OR51B5: variants seen among roughly 807,000 people sequenced by gnomAD.
OR51B5 encodes olfactory receptor 51B5.
For synonymous variants in OR51B5, 186 were observed against 144.8 expected (o/e 1.28, Z -2.04); for missense variants, 456 against 374.6 (o/e 1.22, Z -1.79).
intron 1 of OR51B5, chr11:5,351,404 G>A (rs1052992195): frequency 2.5e-6 from 2 of 796,458 alleles, no homozygotes; most frequent in Admixed American, 5.7e-5. Context: ...GTCAGGACTG[G>A]TGAACATCTT....
At chr11:5,418,262 C>G (rs1340517078) in intron 1 of OR51B5, among the ~76,000 whole-genome samples, 7 of 150,936 alleles carry the variant, frequency 4.6e-5, no homozygotes, top group Non-Finnish European at 7.4e-5. Context: ...TTGTGGGGTG[C>G]GGGGAGGGGG....
At chr11:5,423,634 G>T (rs1440099381) in intron 1 of OR51B5, among the ~76,000 whole-genome samples, 4 of 152,106 alleles carry the variant, frequency 2.6e-5, no homozygotes, top group Non-Finnish European at 5.9e-5. Context: ...ATAACATTTT[G>T]AGGGACAATA....
chr11:5,400,844 CATA>C (rs2133740271), intron 1 of OR51B5, among the ~76,000 whole-genome samples: 1 of 152,286 alleles, frequency 6.6e-6, no homozygotes, highest in Admixed American at 6.5e-5. Context: ...AGAAGAACTT[CATA>C]ATAACCATTA....
chr11:5,363,235 C>A (rs879832179), intron 1 of OR51B5, among the ~76,000 whole-genome samples: 16 of 85,368 alleles, frequency 1.9e-4, no homozygotes, highest in African/African-American at 5.4e-4. Context: ...GAACCCAACC[C>A]CTCACACACA....
chr11:5,388,797 A>C (rs1371662255), intron 1 of OR51B5, among the ~76,000 whole-genome samples: 1 of 152,056 alleles, frequency 6.6e-6, no homozygotes, highest in Non-Finnish European at 1.5e-5. Context: ...GAGTGATCTG[A>C]ATTAGAATAG....
Position 5,390,439 on chromosome 11 carries a change from T to A in OR51B5, n.85-43529A>T, listed in dbSNP as rs533737573. ...AGAAGGCCCCAAATTGGACTGAAAA[T>A]TTGGAGTATTGAGTATATAGCATGC... On this transcript the variant is annotated intron_variant and non_coding_transcript_variant, in intron 1 of 4. Coordinates refer to the OR51B5 transcript ENST00000415970. 1.3e-4 allele frequency: 190 copies of A among 1,416,126 alleles called. No individual in the cohort carries two copies. The African/African-American group carries it at 2.4e-3, about 18-fold the overall frequency. The allele number at this position is 1,416,126 out of a possible 1,614,324, so 87.7% of individuals were successfully genotyped here. A position where few individuals can be genotyped will look rare whatever the true frequency, so the allele number is the denominator to read the frequency against.
At chr11:5,470,754 T>C (rs1359793881) in intron 1 of OR51B5, among the ~76,000 whole-genome samples, 1 of 152,210 alleles carries the variant, frequency 6.6e-6, no homozygotes, top group African/African-American at 2.4e-5. Context: ...ACAAGTCTAT[T>C]AATCCATCGT....
At chr11:5,488,321 C>G (rs138804013) in intron 1 of OR51B5, among the ~76,000 whole-genome samples, 3,189 of 152,160 alleles carry the variant, frequency 0.021, 44 homozygotes, top group South Asian at 0.034. Flanking sequence ...GAATGAGACT[C>G]CCTAGGTAAG....
intron 1 of OR51B5, chr11:5,390,407 G>C (rs974069072): frequency 6.0e-5 from 92 of 1,526,206 alleles, no homozygotes; most frequent in Non-Finnish European, 7.7e-5. Flanking sequence ...CCCCCTAGAG[G>C]CCTATAAGAA....
At chr11:5,473,364 C>T (rs1043008472) in intron 1 of OR51B5, among the ~76,000 whole-genome samples, 1 of 152,124 alleles carries the variant, frequency 6.6e-6, no homozygotes, top group Non-Finnish European at 1.5e-5. Context: ...CACATTCAAC[C>T]TTTCATAATG....
intron 1 of OR51B5, among the ~76,000 whole-genome samples, chr11:5,356,530 G>C (rs1476124634): frequency 1.4e-5 from 2 of 146,050 alleles, no homozygotes; most frequent in South Asian, 4.4e-4. Context: ...GGGCAGAATG[G>C]AACCAAGTTG....
chr11:5,404,178 C>CG (rs1442091896), intron 1 of OR51B5, among the ~76,000 whole-genome samples: 73 of 4,168 alleles, frequency 0.018, 1 homozygote, highest in Non-Finnish European at 0.03. Context: ...GCGGGGAGGG[C>CG]GGGGGGCGGA....
chr11:5,417,570 C>T (rs1229188290), intron 1 of OR51B5, among the ~76,000 whole-genome samples: 1 of 147,336 alleles, frequency 6.8e-6, no homozygotes, highest in Non-Finnish European at 1.5e-5. Flanking sequence ...TGAACTCAAA[C>T]AAATTTACAA....
chr11:5,443,863 G>GCACA (rs533103895), intron 1 of OR51B5, among the ~76,000 whole-genome samples: 5 of 150,676 alleles, frequency 3.3e-5, no homozygotes, highest in African/African-American at 9.8e-5. Context: ...AATATCATGA[G>GCACA]CACACACACA....
intron 1 of OR51B5, among the ~76,000 whole-genome samples, chr11:5,405,860 T>C (rs1302806565): frequency 6.6e-6 from 1 of 152,180 alleles, no homozygotes; most frequent in African/African-American, 2.4e-5. Context: ...CCTAAATTAA[T>C]AGCCCGCTGA....
At chr11:5,384,921 T>C (rs1849663159) in intron 1 of OR51B5, among the ~76,000 whole-genome samples, 1 of 152,190 alleles carries the variant, frequency 6.6e-6, no homozygotes, top group Non-Finnish European at 1.5e-5. Context: ...AAATGAATAA[T>C]CTGGTTCAAG....
intron 1 of OR51B5, among the ~76,000 whole-genome samples, chr11:5,482,636 C>T (rs1379964322): frequency 0.032 from 3,670 of 114,318 alleles, 327 homozygotes; most frequent in African/African-American, 0.12. Flanking sequence ...CCAGAATCTA[C>T]AATGAACTCA....
Position 5,440,468 on chromosome 11 carries a change from A to G in OR51B5, n.84+65101T>C, listed in dbSNP as rs917415420. Reference sequence around the variant, plus strand: ...TTTTATTAGTGATACATTCACTACTATCAAGATCCTGGGTCCTCTTCATCC... The same window carrying G: ...TTTTATTAGTGATACATTCACTACTGTCAAGATCCTGGGTCCTCTTCATCC... On this transcript the variant is annotated intron_variant and non_coding_transcript_variant, in intron 1 of 4. Coordinates refer to the OR51B5 transcript ENST00000415970. The G allele has an allele frequency of 1.0e-4, 75 of 730,878 alleles. No individual in the cohort carries two copies. The Admixed American group carries it at 1.9e-3, about 18-fold the overall frequency. The allele number at this position is 730,878 out of a possible 1,614,324, so 45.3% of individuals were successfully genotyped here.
chr11:5,465,655 A>G (rs564730146), intron 1 of OR51B5, among the ~76,000 whole-genome samples: 4 of 141,540 alleles, frequency 2.8e-5, no homozygotes, highest in African/African-American at 1.1e-4. Flanking sequence ...ATAACGACGC[A>G]TATCTACAAC....
Sources: allele counts gnomAD v4.1 joint callset (sites outside exome capture counted in the v4.1 genomes callset), GRCh38; gene constraint gnomAD v4.1.1; transcripts MANE v1.5; gene names NCBI Gene and HGNC (gene_info 2026-07-23, HGNC 2026-07-21).